Variants in ENOX1 observed in about 807,000 individuals in gnomAD.
ENOX1 encodes ecto-NOX disulfide-thiol exchanger 1, also known as candidate growth-related and time keeping constitutive hydroquinone (NADH) oxidase.
ENOX1 carries 42 observed loss-of-function variants against 82.5 expected under a neutral mutation model. That is an observed-to-expected ratio of 0.51 (90% CI 0.40 to 0.66). The LOEUF (loss-of-function observed/expected upper bound fraction) is 0.66. Ranked by LOEUF, ENOX1 falls within the 30% of genes least tolerant of loss-of-function variation. The pLI is 0.00. For missense variants in ENOX1, 608 were observed against 811.6 expected (o/e 0.75, Z 3.05); for synonymous variants, 271 against 282.2 (o/e 0.96, Z 0.40).
intron 9 of ENOX1, among the ~76,000 whole-genome samples, chr13:43,332,992 C>T (rs529565155): frequency 1.3e-5 from 2 of 152,264 alleles, no homozygotes; most frequent in South Asian, 4.1e-4. Flanking sequence ...GCATATAGTA[C>T]AAACAGTGTG....
chr13:43,444,579 G>A (rs547827214), intron 3 of ENOX1, among the ~76,000 whole-genome samples: 7 of 152,284 alleles, frequency 4.6e-5, no homozygotes, highest in African/African-American at 7.2e-5. Flanking sequence ...ACTGTGACCC[G>A]TTTCACAGTG....
intron 1 of ENOX1, among the ~76,000 whole-genome samples, chr13:43,714,853 T>A (rs187026117): frequency 6.6e-6 from 1 of 152,324 alleles, no homozygotes; most frequent in East Asian, 1.9e-4. Context: ...TGATGGGTCT[T>A]GACTCTATCC....
intron 1 of ENOX1, among the ~76,000 whole-genome samples, chr13:43,716,589 A>G (rs2088151620): frequency 6.6e-6 from 1 of 152,224 alleles, no homozygotes; most frequent in Non-Finnish European, 1.5e-5. Context: ...AAGAAGTCAA[A>G]TGATCTCTCT....
chr13:43,465,877 A>G (rs1358367671), intron 3 of ENOX1, among the ~76,000 whole-genome samples: 1 of 152,094 alleles, frequency 6.6e-6, no homozygotes, highest in East Asian at 1.9e-4. Flanking sequence ...CCATTCATTT[A>G]TTTGTTCAGC....
chr13:43,236,673 G>C lies in ENOX1; in HGVS notation c.1677C>G (p.Ser559Arg). 1.3e-6 allele frequency: 2 copies of C among 1,584,952 alleles called. No homozygotes were observed. The highest frequency in any genetic ancestry group is 2.7e-5 in the African/African-American group (2 of 72,964). Reference sequence around the variant, plus strand: ...CTTCTTTCTCTGATTTTAAGCCTTGGCTTCTTTTCTCAATATTGTTCTCTC... The same window carrying C: ...CTTCTTTCTCTGATTTTAAGCCTTGCCTTCTTTTCTCAATATTGTTCTCTC... Reference protein sequence around the residue: ...QDRENNIEKRSQGLKSEKEAL... With the variant: ...QDRENNIEKRRQGLKSEKEAL... The change falls in exon 15 of 17, where the codon AGC (serine) becomes AGG (arginine). Residue 559 changes from serine (S) to arginine (R), a missense_variant. Coordinates refer to ENST00000690772, the MANE Select transcript of ENOX1 (RefSeq NM_001347969.2).
At chr13:43,784,383 G>A (rs374996430) in intron 1 of ENOX1, among the ~76,000 whole-genome samples, 36 of 152,260 alleles carry the variant, frequency 2.4e-4, no homozygotes, top group African/African-American at 7.2e-4. Flanking sequence ...TTTCCAATTT[G>A]TCACATATAT....
At chr13:43,664,696 T>C (rs1262353247) in intron 2 of ENOX1, among the ~76,000 whole-genome samples, 1 of 152,180 alleles carries the variant, frequency 6.6e-6, no homozygotes, top group Non-Finnish European at 1.5e-5. Flanking sequence ...TCAAGGGTAG[T>C]AAGCTCTTGC....
At chr13:43,559,668 CA>C (rs2079585511) in intron 2 of ENOX1, among the ~76,000 whole-genome samples, 1 of 152,130 alleles carries the variant, frequency 6.6e-6, no homozygotes. Context: ...AACTCAGTTG[CA>C]AAAGATAAGA....
chr13:43,747,446 C>T (rs1172915819), intron 1 of ENOX1, among the ~76,000 whole-genome samples: 1 of 152,144 alleles, frequency 6.6e-6, no homozygotes, highest in Admixed American at 6.6e-5. Context: ...ACAAGTTTCC[C>T]AGGCATCTGT....
At chr13:43,398,660 A>G (rs905351936) in intron 5 of ENOX1, among the ~76,000 whole-genome samples, 1 of 151,454 alleles carries the variant, frequency 6.6e-6, no homozygotes, top group Non-Finnish European at 1.5e-5. Flanking sequence ...CACCTCTGAC[A>G]CCCCTGAGAC....
chr13:43,536,200 A>G (rs2153691213), intron 2 of ENOX1, among the ~76,000 whole-genome samples: 1 of 152,362 alleles, frequency 6.6e-6, no homozygotes, highest in African/African-American at 2.4e-5. Flanking sequence ...ATAATGCTGC[A>G]TCATTTACTT....
chr13:43,609,828 T>G (rs907057784), intron 2 of ENOX1: 2 of 652,148 alleles, frequency 3.1e-6, no homozygotes, highest in Non-Finnish European at 3.8e-6. Flanking sequence ...ACACAAATAT[T>G]TAAAAGGACC....
intron 1 of ENOX1, among the ~76,000 whole-genome samples, chr13:43,721,536 G>A (rs936006692): frequency 8.7e-5 from 13 of 149,222 alleles, no homozygotes; most frequent in Non-Finnish European, 1.0e-4. Flanking sequence ...CCGCCACTAC[G>A]CCCGGCTAAT....
chr13:43,370,233 G>T (rs911414004), intron 5 of ENOX1, among the ~76,000 whole-genome samples: 3 of 152,108 alleles, frequency 2.0e-5, no homozygotes, highest in African/African-American at 7.2e-5. Context: ...TGGGAGTGGT[G>T]GCGGGCACCT....
chr13:43,456,288 T>G (rs2057225957), intron 3 of ENOX1, among the ~76,000 whole-genome samples: 1 of 151,996 alleles, frequency 6.6e-6, no homozygotes, highest in African/African-American at 2.4e-5. Flanking sequence ...GTGGATATCC[T>G]CAAATATCTG....
At chr13:43,638,732 G>A (rs976560696) in intron 2 of ENOX1, among the ~76,000 whole-genome samples, 1 of 152,072 alleles carries the variant, frequency 6.6e-6, no homozygotes, top group African/African-American at 2.4e-5. Context: ...TGAGTGGTGG[G>A]GGGCAGTGCA....
chr13:43,724,423 T>A (rs539417530), intron 1 of ENOX1, among the ~76,000 whole-genome samples: 3 of 152,002 alleles, frequency 2.0e-5, no homozygotes, highest in Non-Finnish European at 4.4e-5. Flanking sequence ...CTCCAACACA[T>A]GGAATGAAAG....
chr13:43,625,871 C>T (rs190643723), intron 2 of ENOX1, among the ~76,000 whole-genome samples: 6 of 151,884 alleles, frequency 4.0e-5, no homozygotes, highest in East Asian at 3.9e-4. Flanking sequence ...AATTGGAAAG[C>T]GTTGCTTCCT....
intron 2 of ENOX1, among the ~76,000 whole-genome samples, chr13:43,581,138 T>C (rs2080710865): frequency 7.5e-6 from 1 of 133,382 alleles, no homozygotes; most frequent in Non-Finnish European, 1.6e-5. Flanking sequence ...TTTTTTTTTT[T>C]TTTTTTTTTT....
Sources: allele counts gnomAD v4.1 joint callset (sites outside exome capture counted in the v4.1 genomes callset), GRCh38; gene constraint gnomAD v4.1.1; transcripts MANE v1.5; gene names NCBI Gene and HGNC (gene_info 2026-07-23, HGNC 2026-07-21).